Variants in FAF1 observed in about 807,000 individuals in gnomAD.
The protein encoded by FAF1 is Fas associated factor 1.
FAF1 carries 25 observed loss-of-function variants against 92.5 expected under a neutral mutation model. The ratio of observed to expected loss-of-function variants is 0.27; its 90% confidence interval spans 0.20 to 0.38. FAF1 has a LOEUF of 0.38. Ranked by LOEUF, FAF1 falls within the 10% of genes least tolerant of loss-of-function variation. The probability of loss-of-function intolerance (pLI) is 1.00; values close to 1 mark genes in which losing one functional copy is unlikely to be tolerated. For missense variants in FAF1, 636 were observed against 793.3 expected, an observed-to-expected ratio of 0.80 and a Z score of 2.38; for synonymous variants, 234 against 273.2, an observed-to-expected ratio of 0.86 and a Z score of 1.42.
intron 15 of FAF1, among the ~76,000 whole-genome samples, chr1:50,513,180 T>A (rs1371478219): frequency 6.6e-6 from 1 of 152,150 alleles, no homozygotes; most frequent in Admixed American, 6.5e-5. Flanking sequence ...ATCTATGTGA[T>A]AAAAACGAAT....
chr1:50,446,228 T>G (rs1646225790), intron 18 of FAF1, among the ~76,000 whole-genome samples: 1 of 152,230 alleles, frequency 6.6e-6, no homozygotes, highest in South Asian at 2.1e-4. Flanking sequence ...GACGCAGCAC[T>G]GCATGTGCAA....
At chr1:50,576,826 GT>G (rs1331159134) in intron 12 of FAF1, among the ~76,000 whole-genome samples, 3 of 131,288 alleles carry the variant, frequency 2.3e-5, no homozygotes, top group Non-Finnish European at 4.8e-5. Context: ...TTGTTTGTTC[GT>G]TTTTCTTTTT....
intron 5 of FAF1, among the ~76,000 whole-genome samples, chr1:50,739,783 T>C (rs1659314504): frequency 1.3e-5 from 2 of 152,120 alleles, no homozygotes; most frequent in South Asian, 2.1e-4. Context: ...ACTCCAGATA[T>C]CTTTTTTGTT....
At chr1:50,643,375 C>T (rs1013927783) in intron 8 of FAF1, among the ~76,000 whole-genome samples, 44 of 151,756 alleles carry the variant, frequency 2.9e-4, no homozygotes, top group African/African-American at 1.0e-3. Context: ...TTTACTTCTA[C>T]ATGTTAAAAA....
chr1:50,748,058 T>A (rs759227655), intron 4 of FAF1, among the ~76,000 whole-genome samples: 1 of 152,204 alleles, frequency 6.6e-6, no homozygotes, highest in Non-Finnish European at 1.5e-5. Flanking sequence ...GGTATTTTTT[T>A]ATAGCACTGC....
At chr1:50,509,542 G>A (rs1572795391) in intron 15 of FAF1, among the ~76,000 whole-genome samples, 2 of 152,136 alleles carry the variant, frequency 1.3e-5, no homozygotes, top group East Asian at 3.9e-4. Flanking sequence ...AGCCTGGGAA[G>A]TTGAGGCTGC....
intron 13 of FAF1, among the ~76,000 whole-genome samples, chr1:50,561,511 A>G (rs189346720): frequency 6.6e-6 from 1 of 152,266 alleles, no homozygotes; most frequent in African/African-American, 2.4e-5. Context: ...ATGATTTATT[A>G]TCAATATAGT....
At chr1:50,532,056 C>T (rs1648204041) in intron 15 of FAF1, among the ~76,000 whole-genome samples, 1 of 152,114 alleles carries the variant, frequency 6.6e-6, no homozygotes, top group Non-Finnish European at 1.5e-5. Flanking sequence ...GTCACATATT[C>T]AGCAGCTACC....
chr1:50,752,037 T>C (rs1467375178), intron 4 of FAF1, among the ~76,000 whole-genome samples: 1 of 152,110 alleles, frequency 6.6e-6, no homozygotes, highest in Non-Finnish European at 1.5e-5. Flanking sequence ...TGGCACTATC[T>C]TGGCTCACTG....
intron 17 of FAF1, among the ~76,000 whole-genome samples, chr1:50,482,646 G>T (rs867585207): frequency 6.6e-6 from 1 of 152,120 alleles, no homozygotes; most frequent in Admixed American, 6.5e-5. Flanking sequence ...TAAGAGTTCA[G>T]TTGCTCCTCA....
rs539728612 is a variant in FAF1, at chr1:50,484,103, A to G, written c.1653+6485T>C. Among the ~76,000 whole-genome samples the G allele has an allele frequency of 2.8e-3, 423 of 152,316 alleles. 3 individuals are homozygous for G. The highest frequency in any genetic ancestry group is 3.6e-3 in the Non-Finnish European group (247 of 68,020). On this transcript the variant is annotated intron_variant, in intron 17 of 18. Coordinates refer to ENST00000396153, the MANE Select transcript of FAF1 (RefSeq NM_007051.3). Reference sequence around the variant, plus strand: ...ATATAATATAGTCAATATAATAGTCATAATACTGGATGAGATCACCAAAGG... The same window carrying G: ...ATATAATATAGTCAATATAATAGTCGTAATACTGGATGAGATCACCAAAGG...
At chr1:50,657,988 A>G (rs1655201087) in intron 7 of FAF1, among the ~76,000 whole-genome samples, 3 of 152,176 alleles carry the variant, frequency 2.0e-5, no homozygotes, top group Admixed American at 2.0e-4. Flanking sequence ...TTTATCAGTC[A>G]TTATCAACCC....
At chr1:50,620,467 G>C (rs1653140832) in intron 8 of FAF1, among the ~76,000 whole-genome samples, 5 of 152,180 alleles carry the variant, frequency 3.3e-5, no homozygotes, top group Admixed American at 3.3e-4. Context: ...GGATCATTTT[G>C]CTAGATTCCT....
At chr1:50,445,076 G>A (rs1287173837) in intron 18 of FAF1, among the ~76,000 whole-genome samples, 1 of 152,160 alleles carries the variant, frequency 6.6e-6, no homozygotes, top group Non-Finnish European at 1.5e-5. Flanking sequence ...ATCTGAGGTA[G>A]GGACAATTAT....
intron 4 of FAF1, among the ~76,000 whole-genome samples, chr1:50,746,967 G>A (rs1659656519): frequency 6.6e-6 from 1 of 152,202 alleles, no homozygotes; most frequent in African/African-American, 2.4e-5. Flanking sequence ...TCCATGTGGT[G>A]TTAAGCCTGC....
At chr1:50,670,963 C>T (rs1246820171) in intron 7 of FAF1, among the ~76,000 whole-genome samples, 7 of 150,920 alleles carry the variant, frequency 4.6e-5, no homozygotes, top group Admixed American at 1.3e-4. Context: ...TGATAAGTAT[C>T]AATAGAAACC....
intron 1 of FAF1, among the ~76,000 whole-genome samples, chr1:50,888,804 G>A (rs1252250994): frequency 2.0e-5 from 3 of 152,088 alleles, no homozygotes. Flanking sequence ...ATGTTCATCA[G>A]GGATATTGGT....
At chr1:50,819,545 T>G (rs539824836) in intron 2 of FAF1, among the ~76,000 whole-genome samples, 1 of 149,394 alleles carries the variant, frequency 6.7e-6, no homozygotes, top group Non-Finnish European at 1.5e-5. Flanking sequence ...AAGGATCACT[T>G]GAGCCCAGGA....
intron 6 of FAF1, among the ~76,000 whole-genome samples, chr1:50,709,331 T>G (rs1195740870): frequency 6.6e-6 from 1 of 152,232 alleles, no homozygotes; most frequent in Non-Finnish European, 1.5e-5. Flanking sequence ...TTGCTTTGTT[T>G]CATGTGTGGA....
Sources: allele counts gnomAD v4.1 joint callset (sites outside exome capture counted in the v4.1 genomes callset), GRCh38; gene constraint gnomAD v4.1.1; transcripts MANE v1.5; gene names NCBI Gene and HGNC (gene_info 2026-07-23, HGNC 2026-07-21).